The following DEUP1 variants were observed in gnomAD, a reference collection of about 807,000 sequenced individuals.
DEUP1 encodes deuterosome assembly protein 1.
Under a neutral mutation model 87.4 loss-of-function variants are expected in DEUP1, and 82 were observed. The observed-to-expected ratio is 0.94, with a 90% CI of 0.78 to 1.13. The LOEUF is 1.13. Among genes scored for constraint, DEUP1 ranks in the 50% most tolerant of loss-of-function variants. DEUP1 has a pLI of 0.00. For synonymous variants in DEUP1, 214 were observed against 222.7 expected (o/e 0.96, Z 0.35); for missense variants, 663 against 681.5 (o/e 0.97, Z 0.30).
chr11:93,379,924 G>T (rs763085284), intron 7 of DEUP1, among the ~76,000 whole-genome samples: 8 of 152,176 alleles, frequency 5.3e-5, no homozygotes, highest in Non-Finnish European at 1.0e-4. Flanking sequence ...ATATAATTGT[G>T]AAGTCTTTTT....
At chr11:93,362,419 C>T (rs1945218394) in intron 4 of DEUP1, among the ~76,000 whole-genome samples, 1 of 151,684 alleles carries the variant, frequency 6.6e-6, no homozygotes, top group Admixed American at 6.6e-5. Context: ...AGATATTTCT[C>T]CAAAGCAGAT....
intron 11 of DEUP1, among the ~76,000 whole-genome samples, chr11:93,405,439 G>A (rs918368099): frequency 2.0e-5 from 3 of 151,850 alleles, no homozygotes; most frequent in Admixed American, 6.6e-5. Flanking sequence ...ACCTTCAATG[G>A]CCTTCCTTTT....
chr11:93,415,195 C>T, intron 13 of DEUP1, 81 bp downstream of exon 13: 1 of 830,064 alleles, frequency 1.2e-6, no homozygotes, highest in Non-Finnish European at 2.0e-6. Context: ...AACTGACGTA[C>T]ATAGTAGTTC....
At chr11:93,388,688 G>A (rs1160553797) in intron 8 of DEUP1, among the ~76,000 whole-genome samples, 1 of 151,946 alleles carries the variant, frequency 6.6e-6, no homozygotes, top group Non-Finnish European at 1.5e-5. Context: ...TTTTAAATGG[G>A]TTACCAAGCT....
intron 4 of DEUP1, among the ~76,000 whole-genome samples, chr11:93,363,795 T>C (rs761155024): frequency 6.6e-6 from 1 of 151,928 alleles, no homozygotes; most frequent in Non-Finnish European, 1.5e-5. Context: ...GTAGATTTAC[T>C]GGATTTAAAA....
At chr11:93,353,790 C>T (rs1484519634) in intron 2 of DEUP1, among the ~76,000 whole-genome samples, 1 of 152,198 alleles carries the variant, frequency 6.6e-6, no homozygotes, top group East Asian at 1.9e-4. Context: ...AGTTGGAACA[C>T]AGGGCACCAA....
At chr11:93,364,690 A>T (rs1945328895) in intron 5 of DEUP1, among the ~76,000 whole-genome samples, 1 of 152,044 alleles carries the variant, frequency 6.6e-6, no homozygotes, top group African/African-American at 2.4e-5. Flanking sequence ...TTTTTAAAAC[A>T]GGGCTTGAAG....
chr11:93,360,004 C>A (rs1047236215), intron 4 of DEUP1, among the ~76,000 whole-genome samples: 14 of 152,074 alleles, frequency 9.2e-5, no homozygotes, highest in South Asian at 8.3e-4. Flanking sequence ...GGTAAGGAGG[C>A]ACCTCTCCCT....
chr11:93,433,295 T>C (rs1034955652), intron 13 of DEUP1, among the ~76,000 whole-genome samples: 1 of 152,188 alleles, frequency 6.6e-6, no homozygotes, highest in Middle Eastern at 3.2e-3. Context: ...CAAGAGGGAT[T>C]GCTTGAGCCC....
chr11:93,393,748 A>G (rs2658773), intron 9 of DEUP1, among the ~76,000 whole-genome samples: 122,869 of 152,116 alleles, frequency 0.81, 49,752 homozygotes, highest in East Asian at 0.89. Context: ...CTAAGAGGCT[A>G]GACAAAGACA....
In DEUP1 at chr11:93,376,827, C is replaced by T. The variant is rs139087409; in HGVS notation, c.789+5547C>T. On this transcript the variant is annotated intron_variant, in intron 7 of 13. Coordinates refer to ENST00000298050, the MANE Select transcript of DEUP1 (RefSeq NM_181645.4). ...TTTTGATAGGCTGTGTTACTATTAT[C>T]GTTCAGTTCAAAGAATTTTTTAATT... Among the ~76,000 whole-genome samples, 1,018 of 152,182 alleles carry T rather than the reference C, an allele frequency of 6.7e-3. 5 individuals are homozygous for T. Among genetic ancestry groups the T allele is most frequent in the African/African-American group, 0.019 (806 of 41,502 alleles).
chr11:93,374,403 T>C (rs1397659755), intron 7 of DEUP1, among the ~76,000 whole-genome samples: 4 of 152,344 alleles, frequency 2.6e-5, no homozygotes, highest in South Asian at 4.1e-4. Context: ...AGAATCTTTA[T>C]GGTTTCAGGT....
chr11:93,361,992 C>A (rs1945197159), intron 4 of DEUP1, among the ~76,000 whole-genome samples: 2 of 151,930 alleles, frequency 1.3e-5, no homozygotes, highest in African/African-American at 4.8e-5. Context: ...ACAAATGGTG[C>A]AATGACAAGA....
intron 11 of DEUP1, among the ~76,000 whole-genome samples, chr11:93,397,002 T>C (rs928196523): frequency 3.3e-5 from 5 of 152,246 alleles, no homozygotes; most frequent in Non-Finnish European, 7.3e-5. Flanking sequence ...TGAGAATTTT[T>C]ATTTATTGAA....
chr11:93,433,038 C>G (rs969018439), intron 13 of DEUP1, among the ~76,000 whole-genome samples: 4 of 152,174 alleles, frequency 2.6e-5, no homozygotes, highest in Admixed American at 2.6e-4. Context: ...CCAAGTCTGT[C>G]TCTCTGATTC....
chr11:93,353,618 G>A (rs747741190), intron 2 of DEUP1, among the ~76,000 whole-genome samples: 5 of 152,212 alleles, frequency 3.3e-5, no homozygotes, highest in Admixed American at 6.5e-5. Flanking sequence ...AGGCATTTCC[G>A]TATATCTTCT....
chr11:93,437,867 G>GT lies in DEUP1; in HGVS notation c.*149dup. On this transcript the variant is annotated 3_prime_UTR_variant, in exon 14 of 14. Coordinates refer to ENST00000298050, the MANE Select transcript of DEUP1 (RefSeq NM_181645.4). ...ATTTCCGTAAGGCAGCTAGAAAATAGTAAGTATTTTGTTCTATAAAGCTGT... is the reference window on the plus strand; with the variant it reads ...ATTTCCGTAAGGCAGCTAGAAAATAGTTAAGTATTTTGTTCTATAAAGCTGT... 1 of 573,404 alleles carries GT rather than the reference G, an allele frequency of 1.7e-6. No individual in the cohort carries two copies. Among genetic ancestry groups the GT allele is most frequent in the Non-Finnish European group, 3.1e-6 (1 of 318,646 alleles). The allele number at this position is 573,404 out of a possible 1,614,324, so 35.5% of individuals were successfully genotyped here.
At chr11:93,435,840 C>CA (rs1948228509) in intron 13 of DEUP1, among the ~76,000 whole-genome samples, 1 of 151,938 alleles carries the variant, frequency 6.6e-6, no homozygotes. Flanking sequence ...ACTAAAAATA[C>CA]AAAAAATTAG....
chr11:93,377,622 G>C (rs186839116), intron 7 of DEUP1, among the ~76,000 whole-genome samples: 8 of 152,202 alleles, frequency 5.3e-5, no homozygotes, highest in Admixed American at 1.3e-4. Context: ...TTCAACGTTA[G>C]TATTTGGAAG....
Sources: gnomAD v4.1 joint callset for allele counts (sites outside exome capture counted in the v4.1 genomes callset) on GRCh38, gnomAD v4.1.1 for gene constraint, MANE v1.5 for transcripts, NCBI Gene and HGNC (gene_info 2026-07-23, HGNC 2026-07-21) for gene names.